ESRRB: variants seen among roughly 807,000 people sequenced by gnomAD.
The protein encoded by ESRRB is estrogen related receptor beta.
Under a neutral mutation model 46.0 loss-of-function variants are expected in ESRRB, and 16 were observed. That is an observed-to-expected ratio of 0.35 (90% CI 0.24 to 0.53). The LOEUF is 0.53. Ranked by LOEUF, ESRRB falls within the 20% of genes least tolerant of loss-of-function variation. ESRRB has a pLI of 0.93. For missense variants in ESRRB, 488 were observed against 607.4 expected (o/e 0.80, Z 2.07); for synonymous variants, 246 against 259.6 (o/e 0.95, Z 0.50).
intron 1 of ESRRB, among the ~76,000 whole-genome samples, chr14:76,336,857 G>C (rs1295599228): frequency 6.6e-6 from 1 of 152,118 alleles, no homozygotes; most frequent in Non-Finnish European, 1.5e-5. Context: ...TGGGGGTGGG[G>C]GATGGAGGAG....
rs11444650 is a variant in ESRRB, at chr14:76,378,495, G to GTT, written c.50+2052_50+2053dup. On this transcript the variant is annotated intron_variant, in intron 1 of 6. Transcript: ENST00000644823. ...AGGTTTAGATCCCCAACCCTTTCCG[G>GTT]TTTTTTTTTGCAAAGAATTAGCTTG... 6.9e-3 allele frequency among the ~76,000 whole-genome samples: 1,037 copies of GTT among 150,892 alleles called. 9 individuals are homozygous for GTT. The highest frequency in any genetic ancestry group is 0.014 in the Middle Eastern group (4 of 292).
At chr14:76,373,102 T>A (rs1180505855), upstream of ESRRB, among the ~76,000 whole-genome samples, 1 of 152,228 alleles carries the variant, frequency 6.6e-6, no homozygotes, top group Non-Finnish European at 1.5e-5. Flanking sequence ...CGTGAGCTGC[T>A]GTCATCTTAC....
intron 1 of ESRRB, among the ~76,000 whole-genome samples, chr14:76,325,156 G>A (rs544724385): frequency 2.0e-5 from 3 of 151,684 alleles, no homozygotes; most frequent in African/African-American, 7.3e-5. Flanking sequence ...GTAGAAACAG[G>A]GTTTCACCAT....
At chr14:76,426,603 T>C (rs1346484663) in intron 1 of ESRRB, among the ~76,000 whole-genome samples, 1 of 152,108 alleles carries the variant, frequency 6.6e-6, no homozygotes, top group Non-Finnish European at 1.5e-5. Context: ...GATGGTAAAA[T>C]GTGGAAAAAT....
At position 76,439,483 on chromosome 14, in the gene ESRRB, G is replaced by A. The variant is rs772615791; in HGVS notation, c.193G>A (p.Gly65Ser). Residue 65 changes from glycine (G) to serine (S), a missense_variant, in exon 2 of 7, where the codon GGC (glycine) becomes AGC (serine). Gly to Ser is a moderately conservative substitution (Grantham distance 56, BLOSUM62 0). Coordinates refer to ENST00000644823, the MANE Select transcript of ESRRB (RefSeq NM_001379180.1). ...SPSGSSDASG[G>S]FGLALGTHAN... is the part of the protein sequence containing the mutation. ...CAGTGGCTCGTCCGACGCCAGCGGC[G>A]GCTTTGGCCTGGCCCTGGGCACCCA... 12 of 1,612,376 alleles carry A rather than the reference G, an allele frequency of 7.4e-6. No homozygotes were observed. The highest frequency in any genetic ancestry group is 9.3e-6 in the Non-Finnish European group (11 of 1,179,770).
intron 3 of ESRRB, among the ~76,000 whole-genome samples, chr14:76,465,910 G>C (rs992034913): frequency 3.9e-5 from 6 of 152,238 alleles, no homozygotes; most frequent in African/African-American, 1.2e-4. Context: ...GAGATCCTGG[G>C]ATCTGAAGCT....
At chr14:76,314,186 G>A (rs900496023) in intron 1 of ESRRB, among the ~76,000 whole-genome samples, 18 of 152,162 alleles carry the variant, frequency 1.2e-4, no homozygotes, top group African/African-American at 4.3e-4. Flanking sequence ...TACAACTTCT[G>A]TGCTTGCAAA....
chr14:76,480,423 G>T (rs775705295), intron 3 of ESRRB, among the ~76,000 whole-genome samples: 1 of 152,150 alleles, frequency 6.6e-6, no homozygotes, highest in South Asian at 2.1e-4. Context: ...TTCCTTTAGG[G>T]CAATGTGCAC....
At chr14:76,337,232 A>G (rs1884136971) in intron 1 of ESRRB, among the ~76,000 whole-genome samples, 1 of 152,206 alleles carries the variant, frequency 6.6e-6, no homozygotes, top group African/African-American at 2.4e-5. Context: ...AGTCACTTGC[A>G]GTGGCCGAGA....
chr14:76,336,768 G>A (rs1223600848), intron 1 of ESRRB, among the ~76,000 whole-genome samples: 4 of 152,154 alleles, frequency 2.6e-5, no homozygotes, highest in Admixed American at 2.6e-4. Context: ...TCCAGCAAAT[G>A]TATTAGCATG....
Position 76,499,048 on chromosome 14 carries a change from G to A in ESRRB, c.*590G>A, listed in dbSNP as rs550542168. 4.6e-5 allele frequency: 16 copies of A among 346,840 alleles called. No homozygotes were observed. The highest frequency in any genetic ancestry group is 3.2e-4 in the South Asian group (15 of 46,480). The allele number at this position is 346,840 out of a possible 1,614,324, so 21.5% of individuals were successfully genotyped here. ...CAGGGGGTACCCACAGGAGAGCAGC[G>A]GCTAGAGCTCAAGTGCTTCCTGGGC... On this transcript the variant is annotated 3_prime_UTR_variant, in exon 7 of 7. Transcript: ENST00000644823.
chr14:76,356,737 G>A (rs1884383371), intron 1 of ESRRB, among the ~76,000 whole-genome samples: 1 of 152,306 alleles, frequency 6.6e-6, no homozygotes, highest in African/African-American at 2.4e-5. Context: ...AGGAAATGGA[G>A]AACAAGCAAT....
chr14:76,406,398 A>G (rs1886186354), intron 1 of ESRRB, among the ~76,000 whole-genome samples: 1 of 152,108 alleles, frequency 6.6e-6, no homozygotes, highest in African/African-American at 2.4e-5. Flanking sequence ...CCAGATACCC[A>G]TTAGCTCCCT....
chr14:76,330,475 C>A (rs919906588), intron 1 of ESRRB, among the ~76,000 whole-genome samples: 3 of 152,236 alleles, frequency 2.0e-5, no homozygotes, highest in African/African-American at 7.2e-5. Context: ...CTATGAATAC[C>A]CCTAAAAAGA....
intron 1 of ESRRB, among the ~76,000 whole-genome samples, chr14:76,426,534 A>G (rs1887208072): frequency 6.6e-6 from 1 of 152,222 alleles, no homozygotes; most frequent in Non-Finnish European, 1.5e-5. Context: ...GATTTCTGGA[A>G]CCACTAATTA....
chr14:76,462,428 C>T, intron 2 of ESRRB, 117 bp from the exon 3 acceptor site: 2 of 746,548 alleles, frequency 2.7e-6, no homozygotes. Flanking sequence ...GCTTTGAGAA[C>T]ACTAGGGGGG....
intron 2 of ESRRB, 39 bp from the exon 3 acceptor site, chr14:76,462,504 GGC>G: frequency 6.5e-7 from 1 of 1,534,970 alleles, no homozygotes; most frequent in Non-Finnish European, 9.0e-7. Context: ...GGGGGCCCTG[GGC>G]GGCCAGCACC....
intron 1 of ESRRB, among the ~76,000 whole-genome samples, chr14:76,357,925 C>A (rs1290608252): frequency 1.3e-5 from 2 of 152,094 alleles, no homozygotes; most frequent in African/African-American, 4.8e-5. Flanking sequence ...AGGGAATGAG[C>A]AACACTGAAA....
chr14:76,331,857 C>G (rs1424370648), intron 1 of ESRRB, among the ~76,000 whole-genome samples: 1 of 148,866 alleles, frequency 6.7e-6, no homozygotes, highest in African/African-American at 2.5e-5. Flanking sequence ...CATCAGGAGT[C>G]CCCCAGCCCC....
Sources: gnomAD v4.1 joint callset for allele counts (sites outside exome capture counted in the v4.1 genomes callset) on GRCh38, gnomAD v4.1.1 for gene constraint, MANE v1.5 for transcripts, NCBI Gene and HGNC (gene_info 2026-07-23, HGNC 2026-07-21) for gene names.